TYRO3: variants seen among roughly 807,000 people sequenced by gnomAD.
The protein encoded by TYRO3 is tyrosine-protein kinase receptor TYRO3.
In TYRO3, 38 loss-of-function variants were observed where a neutral mutation model predicts 95.2. The ratio of observed to expected loss-of-function variants is 0.40; its 90% CI spans 0.31 to 0.52. The LOEUF is 0.52. TYRO3 is among the 20% of genes least tolerant of loss of function. The pLI is 0.56. For missense variants in TYRO3, 812 were observed against 1,116.4 expected (o/e 0.73, Z 3.89); for synonymous variants, 367 against 432.9 (o/e 0.85, Z 1.89).
chr15:41,578,179 A>G lies in TYRO3; in HGVS notation c.2576A>G (p.Gln859Arg). The change falls in exon 19 of 19, where the codon CAG becomes CGG. Residue 859 changes from glutamine to arginine, a missense_variant. Coordinates refer to ENST00000263798, the MANE Select transcript of TYRO3 (RefSeq NM_006293.4). ...YILTPGGLAE[Q>R]PGQAEHQPES... ...CTCACCCCCGGAGGGCTGGCTGAGC[A>G]GCCAGGGCAGGCAGAGCACCAGCCA... 6.2e-7 allele frequency: 1 copy of G among 1,613,900 alleles called. No homozygotes were observed. The highest frequency in any genetic ancestry group is 8.5e-7 in the Non-Finnish European group (1 of 1,180,038).
At position 41,573,663 on chromosome 15, in the gene TYRO3, C is replaced by A; in HGVS notation, c.2146-16C>A. Reference sequence around the variant, plus strand: ...ACCTAGTGACAGCTTCTCCCCCAACCTCGATTCTGTCCCAGTGGGCGTTCG... The same window carrying A: ...ACCTAGTGACAGCTTCTCCCCCAACATCGATTCTGTCCCAGTGGGCGTTCG... On this transcript the variant is annotated splice_polypyrimidine_tract_variant and intron_variant, in intron 17 of 18. Coordinates refer to ENST00000263798, the MANE Select transcript of TYRO3 (RefSeq NM_006293.4). 2 of 1,304,260 alleles carry A rather than the reference C, an allele frequency of 1.5e-6. No homozygotes were observed. Among genetic ancestry groups the A allele is most frequent in the East Asian group, 2.3e-5 (1 of 43,524 alleles). The allele number at this position is 1,304,260 out of a possible 1,614,324, so 80.8% of individuals were successfully genotyped here. A position where few individuals can be genotyped will look rare whatever the true frequency, so the allele number is the denominator to read the frequency against.
intron 16 of TYRO3, 50 bp from the exon 17 acceptor site, chr15:41,573,258 G>T: frequency 6.5e-7 from 1 of 1,537,038 alleles, no homozygotes; most frequent in Non-Finnish European, 8.9e-7. Context: ...GCTCTTGTGG[G>T]CCTGTGAGCA....
At position 41,572,446 on chromosome 15, in the gene TYRO3, T is replaced by C; in HGVS notation, c.1757T>C (p.Val586Ala). The C allele has an allele frequency of 1.2e-6, 2 of 1,614,088 alleles. No homozygotes were observed. The highest frequency in any genetic ancestry group is 1.7e-6 in the Non-Finnish European group (2 of 1,179,960). The change falls in exon 15 of 19, where the codon GTA (valine) becomes GCA (alanine). Residue 586 changes from valine to alanine, a missense_variant. Physicochemically the swap from Val to Ala is moderately conservative, Grantham distance 64 (BLOSUM62 0). Transcript: ENST00000263798. The part of the protein sequence containing the change: ...DHPHVAKLVG[V>A]SLRSRAKGRL... ...TCCTGACTCTCCCTTGTCCCAGGGG[T>C]AAGCCTCCGGAGCAGGGCTAAAGGC...
chr15:41,563,119 C>T (rs2055678406), intron 4 of TYRO3, among the ~76,000 whole-genome samples: 1 of 152,064 alleles, frequency 6.6e-6, no homozygotes, highest in Admixed American at 6.6e-5. Flanking sequence ...GACTCTCAGG[C>T]TGCAGAGAGG....
At chr15:41,561,417 GTTT>G in intron 2 of TYRO3, 107 bp downstream of exon 2, 2 of 1,502,502 alleles carry the variant, frequency 1.3e-6, no homozygotes, top group South Asian at 1.2e-5. Flanking sequence ...GAGGTCTGTG[GTTT>G]TTTTATTTGG....
rs775897671 is a variant in TYRO3 at position 41,570,240 on chromosome 15, G to T, written c.1383G>T (p.Gly461=). The T allele has an allele frequency of 5.6e-6, 9 of 1,605,806 alleles. No individual in the cohort carries two copies. In the African/African-American group the frequency reaches 1.2e-4, roughly 21 times the overall value. ...LRKRRKETRF[G]QAFDSVMARG... is the part of the protein sequence containing the mutation. ...CCCCAAATCCTGGGTTTTCCTTTAG[G>T]CAAGCCTTTGACAGTGTCATGGCCC... is the stretch of plus-strand genomic sequence containing the variant. The change falls in exon 11 of 19, where the codon GGG becomes GGT. Residue 461 remains glycine (G), a splice_region_variant and synonymous_variant. Coordinates refer to ENST00000263798, the MANE Select transcript of TYRO3 (RefSeq NM_006293.4).
intron 3 of TYRO3, 100 bp from the exon 4 acceptor site, chr15:41,562,448 C>A: frequency 7.4e-7 from 1 of 1,351,012 alleles, no homozygotes; most frequent in Non-Finnish European, 1.0e-6. Context: ...CCTGTGGGAA[C>A]CTTCTGCGTG....
chr15:41,568,137 G>C (rs2055747634), intron 7 of TYRO3, 80 bp from the exon 8 acceptor site: 2 of 1,574,910 alleles, frequency 1.3e-6, no homozygotes, highest in Non-Finnish European at 1.7e-6. Context: ...TAGTTCTTGG[G>C]AGTTGATTCC....
At chr15:41,562,522 C>G (rs551687602) in intron 3 of TYRO3, 26 bp from the exon 4 acceptor site, 29 of 1,609,778 alleles carry the variant, frequency 1.8e-5, no homozygotes, top group Non-Finnish European at 2.4e-5. Context: ...TGGCAGGGCT[C>G]ACTCCTCACT....
At chr15:41,560,850 A>G (rs2055643529) in intron 1 of TYRO3, among the ~76,000 whole-genome samples, 1 of 151,294 alleles carries the variant, frequency 6.6e-6, no homozygotes, top group Middle Eastern at 3.4e-3. Context: ...CCATCGTTTC[A>G]GCCCAGCCTG....
In TYRO3 at chr15:41,578,552, T is replaced by C; in HGVS notation, c.*276T>C. The C allele has an allele frequency of 3.8e-6, 2 of 521,126 alleles. No homozygotes were observed. 32.3% of individuals were successfully genotyped at this position (521,126 alleles called of 1,614,324 possible). A position where few individuals can be genotyped will look rare whatever the true frequency, so the allele number is the denominator to read the frequency against. On this transcript the variant is annotated 3_prime_UTR_variant, in exon 19 of 19. Transcript: ENST00000263798. ...ACCCAGGCAGCTGGCAGGAGTGGGG[T>C]GGTTATGTTTCCATGGTTACCATGG...
Position 41,563,736 on chromosome 15 carries a change from T to C in TYRO3, c.581-448T>C, listed in dbSNP as rs182749182. The stretch of plus-strand genomic sequence containing the variant: ...AGTATAACTGGGGAGACAAGACATG[T>C]GCATAAAGAGCTGAGAACTACTGCA... On this transcript the variant is annotated intron_variant, in intron 4 of 18. Transcript: ENST00000263798. Among the ~76,000 whole-genome samples the C allele has an allele frequency of 2.2e-3, 338 of 152,236 alleles. 1 individual carries two copies. Among genetic ancestry groups the C allele is most frequent in the African/African-American group, 7.9e-3 (327 of 41,542 alleles).
At chr15:41,564,723 T>G (rs2055700545) in intron 5 of TYRO3, 1 of 408,854 alleles carries the variant, frequency 2.4e-6, no homozygotes, top group East Asian at 4.9e-5. Context: ...GTCTCTCCCT[T>G]GTATCTCCCA....
Position 41,565,016 on chromosome 15 carries a change from C to G in TYRO3, c.668-10C>G. Reference sequence around the variant, plus strand: ...CCTACTGGGCACTGATTCTGAGTCCCCGTCCACAGCACTGCCTGCAGCCCC... The same window carrying G: ...CCTACTGGGCACTGATTCTGAGTCCGCGTCCACAGCACTGCCTGCAGCCCC... On this transcript the variant is annotated splice_polypyrimidine_tract_variant and intron_variant, in intron 5 of 18. Transcript: ENST00000263798. The G allele has an allele frequency of 6.3e-7, 1 of 1,597,538 alleles. No individual in the cohort carries two copies. The highest frequency in any genetic ancestry group is 8.5e-7 in the Non-Finnish European group (1 of 1,169,926).
chr15:41,572,549 TG>T lies in TYRO3; in HGVS notation c.1864del (p.Glu622ArgfsTer11). 6.2e-7 allele frequency: 1 copy of T among 1,614,198 alleles called. No individual in the cohort carries two copies. The highest frequency in any genetic ancestry group is 8.5e-7 in the Non-Finnish European group (1 of 1,180,032). ...ATGCCTTCCTGCTCGCCTCCCGGATTGGGGAGAACCCCTTTGTGAGTACCTG... is the reference window on the plus strand; with the variant it reads ...ATGCCTTCCTGCTCGCCTCCCGGATTGGGAGAACCCCTTTGTGAGTACCTG... ...LHAFLLASRI[G>X]ENPFNLPLQT... On this transcript the variant is annotated frameshift_variant, in exon 15 of 19. Coordinates refer to ENST00000263798, the MANE Select transcript of TYRO3 (RefSeq NM_006293.4). LOFTEE classifies it high-confidence loss of function.
At chr15:41,563,539 T>G (rs1449326546) in intron 4 of TYRO3, among the ~76,000 whole-genome samples, 1 of 151,986 alleles carries the variant, frequency 6.6e-6, no homozygotes, top group African/African-American at 2.4e-5. Context: ...GGCGCTGAGT[T>G]GGAGCAGATT....
At position 41,561,124 on chromosome 15, in the gene TYRO3, C is replaced by G. The variant is rs746106137; in HGVS notation, c.125-3C>G. The G allele has an allele frequency of 6.2e-6, 10 of 1,614,090 alleles. No homozygotes were observed. Among genetic ancestry groups the G allele is most frequent in the Non-Finnish European group, 8.5e-6 (10 of 1,179,972 alleles). On this transcript the variant is annotated splice_polypyrimidine_tract_variant and splice_region_variant and intron_variant, in intron 1 of 18. Coordinates refer to ENST00000263798, the MANE Select transcript of TYRO3 (RefSeq NM_006293.4). Reference sequence around the variant, plus strand: ...CTGACACATGTTCCTTCCCACCCCTCAGGTCTGAAGCTCATGGGAGCCCCG... The same window carrying G: ...CTGACACATGTTCCTTCCCACCCCTGAGGTCTGAAGCTCATGGGAGCCCCG...
At chr15:41,563,122 CAG>C (rs1321845675) in intron 4 of TYRO3, among the ~76,000 whole-genome samples, 1 of 151,870 alleles carries the variant, frequency 6.6e-6, no homozygotes, top group Non-Finnish European at 1.5e-5. Flanking sequence ...TCTCAGGCTG[CAG>C]AGAGGGGAGA....
In TYRO3 at chr15:41,562,597, T is replaced by A; in HGVS notation, c.459T>A (p.Asn153Lys). ...CAAAAGATCTGGCAGTGCCACCCAA[T>A]GCCCCTTTCCAACTGTCTTGTGAGG... ...VEPKDLAVPPNAPFQLSCEAV... is the reference protein window; with the variant it reads ...VEPKDLAVPPKAPFQLSCEAV... The change falls in exon 4 of 19, where the codon AAT (asparagine) becomes AAA (lysine). Residue 153 changes from asparagine to lysine, a missense_variant. Transcript: ENST00000263798. 6.2e-7 allele frequency: 1 copy of A among 1,613,648 alleles called. No homozygotes were observed. Among genetic ancestry groups the A allele is most frequent in the Non-Finnish European group, 8.5e-7 (1 of 1,180,042 alleles).
Sources: allele counts gnomAD v4.1 joint callset (sites outside exome capture counted in the v4.1 genomes callset), GRCh38; gene constraint gnomAD v4.1.1; transcripts MANE v1.5; gene names NCBI Gene and HGNC (gene_info 2026-07-23, HGNC 2026-07-21).